LOC128706666: variants seen among roughly 807,000 people sequenced by gnomAD.
At chr20:10,425,194 G>A in the LOC128706666 span, among the ~76,000 whole-genome samples, 2 of 152,152 alleles carry the variant, frequency 1.3e-5, no homozygotes, top group Admixed American at 6.5e-5. Flanking sequence ...TAACAAAAAT[G>A]TGATCATGAT....
the LOC128706666 span, among the ~76,000 whole-genome samples, chr20:10,422,632 G>C: frequency 6.6e-6 from 1 of 151,694 alleles, no homozygotes; most frequent in Admixed American, 6.6e-5. Context: ...AGAAGATACT[G>C]TTATTTATAT....
the LOC128706666 span, among the ~76,000 whole-genome samples, chr20:10,414,289 G>C: frequency 6.9e-6 from 1 of 145,078 alleles, no homozygotes; most frequent in South Asian, 2.2e-4. Context: ...TTTTGAGATG[G>C]AGTTTCGCTC....
the LOC128706666 span, among the ~76,000 whole-genome samples, chr20:10,424,610 T>C: frequency 7.2e-5 from 11 of 152,344 alleles, no homozygotes; most frequent in Non-Finnish European, 1.3e-4. Flanking sequence ...TCAAATTTTA[T>C]ATTTGATATG....
the LOC128706666 span, among the ~76,000 whole-genome samples, chr20:10,417,386 G>C: frequency 1.3e-5 from 2 of 152,218 alleles, no homozygotes; most frequent in African/African-American, 4.8e-5. Flanking sequence ...CAAGGCAGGA[G>C]GATTGCTTGA....
the LOC128706666 span, among the ~76,000 whole-genome samples, chr20:10,430,399 G>A: frequency 6.7e-6 from 1 of 148,442 alleles, no homozygotes; most frequent in Admixed American, 6.9e-5. Context: ...AGCTTGCTGT[G>A]CAGTTATCAC....
chr20:10,428,639 G>A, the LOC128706666 span, among the ~76,000 whole-genome samples: 3 of 152,114 alleles, frequency 2.0e-5, no homozygotes. Context: ...AGGATTTTGA[G>A]ACCAGTTTGG....
chr20:10,431,792 T>C, the LOC128706666 span: 1 of 152,212 alleles, frequency 6.6e-6, no homozygotes, highest in Non-Finnish European at 1.5e-5. Context: ...TCCTAGTGCG[T>C]AGCAGAAAAG....
chr20:10,421,191 A>T, the LOC128706666 span, among the ~76,000 whole-genome samples: 2 of 152,266 alleles, frequency 1.3e-5, no homozygotes, highest in Admixed American at 1.3e-4. Flanking sequence ...GCACTTTGGG[A>T]GGCTGAGGCA....
At chr20:10,423,066 A>C in the LOC128706666 span, among the ~76,000 whole-genome samples, 3 of 151,964 alleles carry the variant, frequency 2.0e-5, no homozygotes, top group Admixed American at 2.0e-4. Flanking sequence ...TTACTTCTCC[A>C]TGATCATTAA....
the LOC128706666 span, among the ~76,000 whole-genome samples, chr20:10,422,416 A>C: frequency 1.3e-5 from 2 of 152,184 alleles, no homozygotes; most frequent in South Asian, 4.1e-4. Context: ...ATCATAATTA[A>C]ATTTCATTGT....
At chr20:10,430,262 T>C in the LOC128706666 span, among the ~76,000 whole-genome samples, 859 of 152,300 alleles carry the variant, frequency 5.6e-3, 27 homozygotes, top group Non-Finnish European at 2.2e-3. Context: ...TGTGGACTCA[T>C]ACCACCTGGC....
the LOC128706666 span, among the ~76,000 whole-genome samples, chr20:10,420,062 C>T: frequency 6.6e-6 from 1 of 151,806 alleles, no homozygotes; most frequent in Admixed American, 6.6e-5. Context: ...GGACTATAGA[C>T]CTAAATTATA....
chr20:10,432,817 C>T, the LOC128706666 span, among the ~76,000 whole-genome samples: 1 of 94,862 alleles, frequency 1.1e-5, no homozygotes, highest in African/African-American at 3.3e-5. Context: ...AAAAAAAAAT[C>T]GTGTAGTTTT....
chr20:10,418,268 A>C, the LOC128706666 span, among the ~76,000 whole-genome samples: 3 of 152,342 alleles, frequency 2.0e-5, no homozygotes, highest in South Asian at 4.1e-4. Context: ...GCTGTTAACT[A>C]TTAAAGCTGG....
At chr20:10,431,831 G>A in the LOC128706666 span, 4 of 152,348 alleles carry the variant, frequency 2.6e-5, no homozygotes, top group Admixed American at 2.6e-4. Flanking sequence ...TTGGTCCACA[G>A]AGGATGGCTT....
the LOC128706666 span, among the ~76,000 whole-genome samples, chr20:10,414,552 A>G: frequency 6.6e-6 from 1 of 152,188 alleles, no homozygotes; most frequent in Admixed American, 6.5e-5. Context: ...AGCGTGAGCC[A>G]CTGTGCCCGG....
chr20:10,415,236 G>A, the LOC128706666 span, among the ~76,000 whole-genome samples: 1 of 152,098 alleles, frequency 6.6e-6, no homozygotes, highest in African/African-American at 2.4e-5. Context: ...GTATTTCCAG[G>A]AATATGCTGA....
At chr20:10,417,461 C>A in the LOC128706666 span, among the ~76,000 whole-genome samples, 1 of 151,692 alleles carries the variant, frequency 6.6e-6, no homozygotes, top group Non-Finnish European at 1.5e-5. Flanking sequence ...TATTTTAGAA[C>A]TTAGCCAGGT....
At chr20:10,425,329 T>C in the LOC128706666 span, among the ~76,000 whole-genome samples, 1 of 152,224 alleles carries the variant, frequency 6.6e-6, no homozygotes, top group Non-Finnish European at 1.5e-5. Flanking sequence ...TGAAAGAAAT[T>C]TGAGATTTTT....
Sources: gnomAD v4.1 joint callset for allele counts (sites outside exome capture counted in the v4.1 genomes callset) on GRCh38, gnomAD v4.1.1 for gene constraint, MANE v1.5 for transcripts.